The following ATP8A2 variants were observed in gnomAD, a reference collection of about 807,000 sequenced individuals.
ATP8A2 encodes ATPase phospholipid transporting 8A2, also known as phospholipid-transporting ATPase IB.
In ATP8A2, 100 loss-of-function variants were observed where a neutral mutation model predicts 165.6. That is an observed-to-expected ratio of 0.60 (90% CI 0.51 to 0.71). The LOEUF is 0.71. Among genes scored for constraint, ATP8A2 ranks in the 30% least tolerant of loss-of-function variants. The pLI is 0.00. For synonymous variants in ATP8A2, 543 were observed against 548.8 expected, an observed-to-expected ratio of 0.99 and a Z score of 0.15; for missense variants, 1,227 against 1,479.5, an observed-to-expected ratio of 0.83 and a Z score of 2.80.
chr13:25,979,069 G>C (rs906580093), intron 35 of ATP8A2, among the ~76,000 whole-genome samples: 2 of 150,202 alleles, frequency 1.3e-5, no homozygotes, highest in Non-Finnish European at 3.0e-5. Context: ...CTAGTGACTA[G>C]TCTCTGTCAC....
At chr13:25,593,937 G>A (rs1300973917) in intron 24 of ATP8A2, among the ~76,000 whole-genome samples, 1 of 152,168 alleles carries the variant, frequency 6.6e-6, no homozygotes, top group Non-Finnish European at 1.5e-5. Context: ...TGCTCAATGT[G>A]TGTGCTAGTT....
At chr13:25,954,835 C>T (rs1480860760) in intron 33 of ATP8A2, among the ~76,000 whole-genome samples, 2 of 152,202 alleles carry the variant, frequency 1.3e-5, no homozygotes, top group Non-Finnish European at 2.9e-5. Context: ...TCAAAAACCC[C>T]ATCTGAAGGT....
intron 24 of ATP8A2, among the ~76,000 whole-genome samples, chr13:25,686,914 C>CA (rs2042613814): frequency 6.6e-6 from 1 of 152,172 alleles, no homozygotes; most frequent in Non-Finnish European, 1.5e-5. Flanking sequence ...TCTGTCCCCT[C>CA]ACTAATGTGT....
At position 25,781,223 on chromosome 13, in the gene ATP8A2, C is replaced by T. The variant is rs544452133; in HGVS notation, c.2679+6264C>T. On this transcript the variant is annotated intron_variant, in intron 27 of 36. Transcript: ENST00000381655. ...ACTTGCAGTGAGCGGAAGCCGAGAT[C>T]GTGCCACTGCACTCCAGCCTGGGTG... Among the ~76,000 whole-genome samples, 8 of 152,070 alleles carry T rather than the reference C, an allele frequency of 5.3e-5. No individual in the cohort carries two copies. In the South Asian group the frequency reaches 6.2e-4, roughly 12 times the overall value.
intron 24 of ATP8A2, among the ~76,000 whole-genome samples, chr13:25,674,779 T>C (rs2042339027): frequency 6.6e-6 from 1 of 152,210 alleles, no homozygotes; most frequent in Non-Finnish European, 1.5e-5. Context: ...TTTTCAAAAT[T>C]AGAATGACCA....
chr13:25,543,249 T>C (rs1381149740), intron 9 of ATP8A2, 42 bp from the exon 10 acceptor site: 2 of 1,284,226 alleles, frequency 1.6e-6, no homozygotes, highest in Non-Finnish European at 2.2e-6. Context: ...ATGCTTATTT[T>C]CCAGACTATC....
chr13:25,771,899 T>G lies in ATP8A2; in HGVS notation c.2568+2670T>G, dbSNP rs577651642. On this transcript the variant is annotated intron_variant, in intron 26 of 36. Transcript: ENST00000381655. ...TTGAAATGGTAAACATCTCTGGTTGTTTATCGCCTTGGGCTTTATCTGTTC... is the reference window on the plus strand; with the variant it reads ...TTGAAATGGTAAACATCTCTGGTTGGTTATCGCCTTGGGCTTTATCTGTTC... 3.3e-5 allele frequency among the ~76,000 whole-genome samples: 5 copies of G among 152,320 alleles called. No individual in the cohort carries two copies. The South Asian group carries it at 1.0e-3, about 32-fold the overall frequency.
chr13:25,532,206 T>C (rs2038136322), intron 4 of ATP8A2, 66 bp from the exon 5 acceptor site: 3 of 1,256,424 alleles, frequency 2.4e-6, no homozygotes, highest in Admixed American at 1.8e-5. Context: ...GATTGTTTTG[T>C]TTGCTATTTC....
At chr13:25,618,268 G>A (rs993338188) in intron 24 of ATP8A2, among the ~76,000 whole-genome samples, 1 of 152,146 alleles carries the variant, frequency 6.6e-6, no homozygotes, top group Non-Finnish European at 1.5e-5. Flanking sequence ...CAGGTTAGGA[G>A]TGCGTGTTTA....
chr13:26,023,072 G>GT lies in ATP8A2; in HGVS notation c.*3088dup, dbSNP rs1957107258. 1 of 152,224 alleles carries GT rather than the reference G, an allele frequency of 6.6e-6. No individual in the cohort carries two copies. The highest frequency in any genetic ancestry group is 2.4e-5 in the African/African-American group (1 of 41,462). The allele number at this position is 152,224 out of a possible 1,614,324, so 9.4% of individuals were successfully genotyped here. On this transcript the variant is annotated 3_prime_UTR_variant, in exon 37 of 37. Coordinates refer to ENST00000381655, the MANE Select transcript of ATP8A2 (RefSeq NM_016529.6). ...CAGCAAGGGTAGCTGTGGAAAACAC[G>GT]TATCAGGAGAGCAGAGTAGTCTGGA...
At chr13:25,564,216 G>A (rs1029814834) in intron 16 of ATP8A2, among the ~76,000 whole-genome samples, 185 bp downstream of exon 16, 1 of 152,182 alleles carries the variant, frequency 6.6e-6, no homozygotes, top group Non-Finnish European at 1.5e-5. Flanking sequence ...GCATAAATTA[G>A]TGTATTTAAA....
At chr13:25,419,048 CATGTGTGTGCAT>C (rs1304068397) in intron 1 of ATP8A2, among the ~76,000 whole-genome samples, 1 of 152,078 alleles carries the variant, frequency 6.6e-6, no homozygotes, top group Non-Finnish European at 1.5e-5. Flanking sequence ...GAACCAGGGC[CATGTGTGTGCAT>C]ATGTGTGTGT....
intron 2 of ATP8A2, among the ~76,000 whole-genome samples, chr13:25,515,520 C>A (rs187302279): frequency 6.6e-6 from 1 of 152,236 alleles, no homozygotes; most frequent in Non-Finnish European, 1.5e-5. Flanking sequence ...ACTCAGAAGG[C>A]GTCTTGGAGG....
At chr13:25,930,322 C>T (rs984618954) in intron 33 of ATP8A2, among the ~76,000 whole-genome samples, 1 of 152,194 alleles carries the variant, frequency 6.6e-6, no homozygotes, top group Non-Finnish European at 1.5e-5. Context: ...TCTGGCCTGG[C>T]CCTGTCCTGT....
intron 25 of ATP8A2, among the ~76,000 whole-genome samples, chr13:25,732,220 C>A (rs1185301913): frequency 6.6e-6 from 1 of 152,196 alleles, no homozygotes; most frequent in African/African-American, 2.4e-5. Flanking sequence ...ACGTATGATG[C>A]TTTCTGGGCT....
intron 33 of ATP8A2, among the ~76,000 whole-genome samples, chr13:25,892,470 G>GTCTCTCTCTCTCTCTCTC (rs1194079051): frequency 7.0e-5 from 8 of 115,064 alleles, no homozygotes; most frequent in African/African-American, 4.1e-4. Flanking sequence ...CTCTCTCTCT[G>GTCTCTCTCTCTCTCTCTC]TCTCTCTGTC....
chr13:25,447,120 A>C (rs1448597930), intron 1 of ATP8A2, among the ~76,000 whole-genome samples: 1 of 152,176 alleles, frequency 6.6e-6, no homozygotes, highest in Admixed American at 6.5e-5. Context: ...ACAAACTAAA[A>C]TTTTCATCTT....
intron 24 of ATP8A2, among the ~76,000 whole-genome samples, chr13:25,647,075 G>A (rs74241242): frequency 0.035 from 5,263 of 152,034 alleles, 157 homozygotes; most frequent in East Asian, 0.13. Context: ...GTATTCCTTC[G>A]TAATTTATTT....
At chr13:25,927,022 T>C (rs559470714) in intron 33 of ATP8A2, 2 of 414,352 alleles carry the variant, frequency 4.8e-6, no homozygotes, top group South Asian at 3.4e-5. Context: ...CCGCTCCTTC[T>C]CCTTGCCACT....
Sources: gnomAD v4.1 joint callset for allele counts (sites outside exome capture counted in the v4.1 genomes callset) on GRCh38, gnomAD v4.1.1 for gene constraint, MANE v1.5 for transcripts, NCBI Gene and HGNC (gene_info 2026-07-23, HGNC 2026-07-21) for gene names.